PHF14: variants seen among roughly 807,000 people sequenced by gnomAD.
The protein encoded by PHF14 is PHD finger protein 14.
PHF14 carries 55 observed loss-of-function variants against 117.9 expected under a neutral mutation model. The ratio of observed to expected loss-of-function variants is 0.47; its 90% CI spans 0.38 to 0.58. The LOEUF (loss-of-function observed/expected upper bound fraction) is 0.58, where lower values mean the gene tolerates loss of function less well. Ranked by LOEUF, PHF14 falls within the 20% of genes least tolerant of loss-of-function variation. PHF14 has a pLI of 0.00. For missense variants in PHF14, 978 were observed against 1,122.2 expected, an observed-to-expected ratio of 0.87 and a Z score of 1.84; for synonymous variants, 409 against 368.6, an observed-to-expected ratio of 1.11 and a Z score of -1.26.
intron 17 of PHF14, among the ~76,000 whole-genome samples, chr7:11,162,341 C>T (rs61148452): frequency 0.039 from 5,981 of 152,120 alleles, 256 homozygotes; most frequent in East Asian, 0.11. Context: ...CCACCCACCT[C>T]GGCCTTCCAC....
chr7:11,102,441 G>T, intron 16 of PHF14: 1 of 1,597,946 alleles, frequency 6.3e-7, no homozygotes, highest in South Asian at 1.1e-5. Context: ...GAGCTGCTAT[G>T]ATCTTTAAAT....
At chr7:11,104,371 A>G (rs1318470628) in intron 16 of PHF14, 1 of 962,824 alleles carries the variant, frequency 1.0e-6, no homozygotes, top group Admixed American at 6.2e-5. Context: ...AGTAACTAGA[A>G]TAGAATACTT....
At chr7:11,089,599 A>C (rs1181546179) in intron 16 of PHF14, among the ~76,000 whole-genome samples, 1 of 152,188 alleles carries the variant, frequency 6.6e-6, no homozygotes, top group Admixed American at 6.5e-5. Flanking sequence ...TTTTAATGAG[A>C]TACTTAACAT....
chr7:10,989,601 C>G (rs963855415), intron 3 of PHF14, among the ~76,000 whole-genome samples: 6 of 152,214 alleles, frequency 3.9e-5, no homozygotes, highest in African/African-American at 1.4e-4. Flanking sequence ...GAAATTTTAT[C>G]TTTTAAATAT....
chr7:11,107,590 TA>T, intron 16 of PHF14: 2 of 811,722 alleles, frequency 2.5e-6, no homozygotes, highest in Non-Finnish European at 3.0e-6. Context: ...TTTATTTTAT[TA>T]AAAAATCTTA....
chr7:11,143,923 CAGAGT>C (rs1215346715), intron 17 of PHF14, among the ~76,000 whole-genome samples: 1 of 151,946 alleles, frequency 6.6e-6, no homozygotes, highest in African/African-American at 2.4e-5. Flanking sequence ...AAACAATCAA[CAGAGT>C]AAAGAGACAA....
At chr7:10,999,841 A>G (rs1370039255) in intron 4 of PHF14, among the ~76,000 whole-genome samples, 7 of 152,218 alleles carry the variant, frequency 4.6e-5, no homozygotes, top group Non-Finnish European at 1.0e-4. Flanking sequence ...GTGTCTATAT[A>G]AAGTCATGTA....
chr7:11,153,972 T>TGTGTGTGTGTGTGTGTGTGTGTGTGTGTG (rs1562488381), intron 17 of PHF14, among the ~76,000 whole-genome samples: 1 of 151,326 alleles, frequency 6.6e-6, no homozygotes, highest in African/African-American at 2.4e-5. Context: ...TGTGTGTGTG[T>TGTGTGTGTGTGTGTGTGTGTGTGTGTGTG]TTTAAGAATA....
rs1215177993 is a variant in PHF14, at chr7:11,080,714, G to A, written c.2654+18629G>A. ...AGTACTATTCAGGACATTCTGCAGT[G>A]CGGATATATATCCTAATGGTTTCAA... On this transcript the variant is annotated intron_variant, in intron 16 of 17. Transcript: ENST00000634607. Among the ~76,000 whole-genome samples, 6 of 152,272 alleles carry A rather than the reference G, an allele frequency of 3.9e-5. No individual in the cohort carries two copies. The East Asian group carries it at 7.7e-4, about 20-fold the overall frequency.
intron 13 of PHF14, among the ~76,000 whole-genome samples, chr7:11,049,940 C>G (rs1562440291): frequency 6.6e-6 from 1 of 152,116 alleles, no homozygotes. Flanking sequence ...CTGAGTAATA[C>G]ATGATTATGT....
At chr7:11,007,995 A>G (rs79218934) in intron 4 of PHF14, among the ~76,000 whole-genome samples, 1,926 of 152,266 alleles carry the variant, frequency 0.013, 44 homozygotes, top group East Asian at 0.1. Flanking sequence ...CTTTGTGGGA[A>G]GATCTTCTAA....
chr7:11,090,213 T>G (rs186158910), intron 16 of PHF14, among the ~76,000 whole-genome samples: 1 of 152,370 alleles, frequency 6.6e-6, no homozygotes, highest in Non-Finnish European at 1.5e-5. Flanking sequence ...ATGAAAGTAA[T>G]TCTTTAAGTA....
chr7:10,982,494 G>C lies in PHF14; in HGVS notation c.235G>C (p.Glu79Gln), dbSNP rs1782074190. The C allele has an allele frequency of 4.4e-6, 7 of 1,573,422 alleles. No homozygotes were observed. Among genetic ancestry groups the C allele is most frequent in the South Asian group, 1.2e-5 (1 of 86,418 alleles). Reference protein sequence around the residue: ...ELNEDIKVKEEQLKNSAEEEV... With the variant: ...ELNEDIKVKEQQLKNSAEEEV... ...GAATGAAGATATTAAAGTAAAAGAA[G>C]AACAACTTAAAAATTCTGCAGAGGA... Residue 79 changes from glutamate (E) to glutamine (Q), a missense_variant, in exon 3 of 18, where the codon GAA (glutamate) becomes CAA (glutamine). Physicochemically the swap from Glu to Gln is conservative, Grantham distance 29 (BLOSUM62 2). Coordinates refer to ENST00000634607, the MANE Select transcript of PHF14 (RefSeq NM_001007157.2).
At chr7:11,028,375 C>T (rs932378406) in intron 6 of PHF14, among the ~76,000 whole-genome samples, 13 of 152,058 alleles carry the variant, frequency 8.5e-5, no homozygotes, top group African/African-American at 3.1e-4. Flanking sequence ...TGGGGACTGT[C>T]TGTATATGTA....
At chr7:11,083,392 G>T (rs758043514) in intron 16 of PHF14, among the ~76,000 whole-genome samples, 11 of 150,356 alleles carry the variant, frequency 7.3e-5, no homozygotes, top group Non-Finnish European at 1.0e-4. Flanking sequence ...CTTTCTCCCC[G>T]CACTCCCACC....
intron 14 of PHF14, among the ~76,000 whole-genome samples, chr7:11,060,157 G>A (rs113870009): frequency 1.6e-4 from 25 of 152,290 alleles, no homozygotes; most frequent in African/African-American, 5.8e-4. Flanking sequence ...GATTATGGCC[G>A]TGAGCCATGG....
intron 16 of PHF14, chr7:11,071,220 CCTAGTACA>C: frequency 1.9e-6 from 1 of 516,976 alleles, no homozygotes; most frequent in Non-Finnish European, 3.9e-6. Context: ...CTCTCTGAAG[CCTAGTACA>C]CTAGCTCTGA....
intron 3 of PHF14, among the ~76,000 whole-genome samples, chr7:10,988,013 T>TC (rs777172223): frequency 1.9e-4 from 14 of 72,554 alleles, no homozygotes; most frequent in Admixed American, 6.0e-4. Context: ...CGAAACTCCT[T>TC]CTCAAAAAAA....
chr7:11,083,870 T>A (rs1304390520), intron 16 of PHF14, among the ~76,000 whole-genome samples: 2 of 152,080 alleles, frequency 1.3e-5, no homozygotes, highest in Non-Finnish European at 2.9e-5. Flanking sequence ...TGTACAAAAA[T>A]TGGCTAGATT....
Sources: allele counts gnomAD v4.1 joint callset (sites outside exome capture counted in the v4.1 genomes callset), GRCh38; gene constraint gnomAD v4.1.1; transcripts MANE v1.5; gene names NCBI Gene and HGNC (gene_info 2026-07-23, HGNC 2026-07-21).